CIAO2A: variants seen among roughly 807,000 people sequenced by gnomAD.
The protein encoded by CIAO2A is MIP18 family protein FAM96A.
Under a neutral mutation model 22.4 loss-of-function variants are expected in CIAO2A, and 17 were observed. The observed-to-expected ratio is 0.76, with a 90% CI of 0.52 to 1.14. The LOEUF is 1.14. Ranked by LOEUF, CIAO2A falls within the 50% of genes most tolerant of loss-of-function variation. The pLI, the probability that CIAO2A is intolerant of heterozygous loss-of-function variation, is 0.00. For synonymous variants in CIAO2A, 74 were observed against 72.3 expected (o/e 1.02, Z -0.12); for missense variants, 192 against 191.4 (o/e 1.00, Z -0.02).
intron 3 of CIAO2A, among the ~76,000 whole-genome samples, chr15:64,079,900 T>C (rs2080747878): frequency 2.0e-5 from 3 of 152,178 alleles, no homozygotes; most frequent in African/African-American, 7.2e-5. Flanking sequence ...GAGAACATAT[T>C]TGCCAATCAT....
chr15:64,081,049 C>G, intron 3 of CIAO2A, 53 bp downstream of exon 3: 1 of 1,549,006 alleles, frequency 6.5e-7, no homozygotes, highest in Non-Finnish European at 8.9e-7. Flanking sequence ...TGAATTATAT[C>G]TCAACAAAGC....
intron 1 of CIAO2A, among the ~76,000 whole-genome samples, chr15:64,089,584 T>C (rs1442253716): frequency 6.6e-6 from 1 of 151,338 alleles, no homozygotes; most frequent in African/African-American, 2.4e-5. Flanking sequence ...CAGGCATAAG[T>C]GAAAGGTGTT....
Position 64,072,807 on chromosome 15 carries a change from A to G in CIAO2A, c.*124T>C. On this transcript the variant is annotated 3_prime_UTR_variant, in exon 5 of 5. Transcript: ENST00000300030. ...TTATAATTAAATCTCGCTTGGAAAG[A>G]ATCCTTTAAAAAATACTCTGAGGTA... The G allele has an allele frequency of 1.7e-6, 1 of 586,146 alleles. No individual in the cohort carries two copies. Among genetic ancestry groups the G allele is most frequent in the Non-Finnish European group, 3.0e-6 (1 of 335,332 alleles). The allele number at this position is 586,146 out of a possible 1,614,324, so 36.3% of individuals were successfully genotyped here.
chr15:64,076,523 T>C (rs2080718346), intron 3 of CIAO2A, among the ~76,000 whole-genome samples: 1 of 152,140 alleles, frequency 6.6e-6, no homozygotes, highest in Non-Finnish European at 1.5e-5. Context: ...CCAGAGCTTT[T>C]AAGACAACCT....
intron 2 of CIAO2A, 66 bp from the exon 3 acceptor site, chr15:64,081,217 T>C (rs2080757183): frequency 2.0e-6 from 3 of 1,487,036 alleles, no homozygotes; most frequent in Non-Finnish European, 2.8e-6. Flanking sequence ...TGAAAAAGCA[T>C]ACAACTGCGT....
chr15:64,081,042 A>G, intron 3 of CIAO2A, 60 bp downstream of exon 3: 2 of 1,523,386 alleles, frequency 1.3e-6, no homozygotes, highest in Non-Finnish European at 1.8e-6. Context: ...TGGTATGTGA[A>G]TTATATCTCA....
At chr15:64,087,688 G>A (rs1038276760) in intron 2 of CIAO2A, among the ~76,000 whole-genome samples, 8 of 152,118 alleles carry the variant, frequency 5.3e-5, no homozygotes, top group African/African-American at 9.7e-5. Context: ...ACGAAATAGC[G>A]ACCTTTTCAA....
chr15:64,087,380 C>T lies in CIAO2A; in HGVS notation c.289+1307G>A, dbSNP rs192353799. ...TGCTGGGATTACAGGCGTAAGCCAC[C>T]GCGCCCGGCCTAATTTTGTATTTTT... On this transcript the variant is annotated intron_variant, in intron 2 of 4. Coordinates refer to ENST00000300030, the MANE Select transcript of CIAO2A (RefSeq NM_032231.7). Among the ~76,000 whole-genome samples the T allele has an allele frequency of 3.3e-5, 5 of 152,208 alleles. No individual in the cohort carries two copies. In the East Asian group the frequency reaches 5.8e-4, roughly 18 times the overall value.
At chr15:64,086,921 T>C (rs1181530292) in intron 2 of CIAO2A, among the ~76,000 whole-genome samples, 1 of 150,952 alleles carries the variant, frequency 6.6e-6, no homozygotes, top group Non-Finnish European at 1.5e-5. Flanking sequence ...GGGAATTTTT[T>C]TTTTTTGAGA....
At chr15:64,089,061 CA>C (rs1367221739) in intron 1 of CIAO2A, among the ~76,000 whole-genome samples, 1 of 152,030 alleles carries the variant, frequency 6.6e-6, no homozygotes, top group African/African-American at 2.4e-5. Context: ...CCAGTTTCTC[CA>C]ATCGGACATT....
At chr15:64,092,088 A>AC (rs2080844170) in intron 1 of CIAO2A, among the ~76,000 whole-genome samples, 4 of 150,044 alleles carry the variant, frequency 2.7e-5, no homozygotes, top group African/African-American at 9.9e-5. Context: ...AAAAAAAAAA[A>AC]TTTAAAAGAA....
At chr15:64,083,632 C>G (rs996657369) in intron 2 of CIAO2A, among the ~76,000 whole-genome samples, 2 of 152,116 alleles carry the variant, frequency 1.3e-5, no homozygotes, top group African/African-American at 4.8e-5. Flanking sequence ...CTATGATACA[C>G]TATTATACAA....
intron 2 of CIAO2A, among the ~76,000 whole-genome samples, chr15:64,085,577 C>T (rs1216990894): frequency 6.6e-6 from 1 of 152,174 alleles, no homozygotes; most frequent in Non-Finnish European, 1.5e-5. Flanking sequence ...TTACTTAACT[C>T]TTACGACTCT....
intron 4 of CIAO2A, chr15:64,073,751 C>T (rs748695482): frequency 6.6e-5 from 10 of 152,156 alleles, no homozygotes; most frequent in Non-Finnish European, 1.3e-4. Flanking sequence ...CCACACCTGG[C>T]TAATTTTCAA....
chr15:64,093,059 T>C (rs1028883453), intron 1 of CIAO2A, among the ~76,000 whole-genome samples: 1 of 152,202 alleles, frequency 6.6e-6, no homozygotes, highest in Non-Finnish European at 1.5e-5. Flanking sequence ...ATATGCAACA[T>C]GGAAGAGTGT....
chr15:64,093,294 C>T (rs761880112), intron 1 of CIAO2A, among the ~76,000 whole-genome samples: 6 of 152,206 alleles, frequency 3.9e-5, no homozygotes, highest in Non-Finnish European at 5.9e-5. Flanking sequence ...ATCAGGCCAG[C>T]TTTGCTTCCT....
intron 3 of CIAO2A, among the ~76,000 whole-genome samples, chr15:64,076,614 G>C (rs983275271): frequency 6.6e-6 from 1 of 151,468 alleles, no homozygotes; most frequent in Non-Finnish European, 1.5e-5. Context: ...TGGAACATAT[G>C]AACTAATTTT....
At chr15:64,084,589 G>C (rs1488885173) in intron 2 of CIAO2A, among the ~76,000 whole-genome samples, 5 of 152,080 alleles carry the variant, frequency 3.3e-5, no homozygotes, top group Admixed American at 3.3e-4. Context: ...GACCAACATA[G>C]AGAAACCACA....
intron 2 of CIAO2A, among the ~76,000 whole-genome samples, chr15:64,084,441 G>C (rs1178349954): frequency 6.6e-6 from 1 of 152,084 alleles, no homozygotes; most frequent in East Asian, 1.9e-4. Context: ...CCACGTATAG[G>C]AATTTATCCT....
Sources: gnomAD v4.1 joint callset for allele counts (sites outside exome capture counted in the v4.1 genomes callset) on GRCh38, gnomAD v4.1.1 for gene constraint, MANE v1.5 for transcripts, NCBI Gene and HGNC (gene_info 2026-07-23, HGNC 2026-07-21) for gene names.